CPAP: variants seen among roughly 807,000 people sequenced by gnomAD.
CPAP encodes centrosome assembly and centriole elongation protein, also known as centrosomal P4.1-associated protein.
chr13:24,891,083 G>C, the CPAP span, among the ~76,000 whole-genome samples: 90 of 151,834 alleles, frequency 5.9e-4, no homozygotes, highest in Non-Finnish European at 8.4e-4. Context: ...CAACACTCCA[G>C]AGAAACAGTC....
At chr13:24,929,062 G>T in the CPAP span, among the ~76,000 whole-genome samples, 1 of 152,116 alleles carries the variant, frequency 6.6e-6, no homozygotes, top group Non-Finnish European at 1.5e-5. Flanking sequence ...GCATTCTGTA[G>T]GTTTTTATTA....
the CPAP span, among the ~76,000 whole-genome samples, chr13:24,909,583 C>T: frequency 2.0e-5 from 3 of 151,614 alleles, no homozygotes; most frequent in Middle Eastern, 6.9e-3. Flanking sequence ...AAAGAGCTGG[C>T]AGGGTAGCAC....
chr13:24,920,277 T>C, the CPAP span, among the ~76,000 whole-genome samples: 1 of 152,240 alleles, frequency 6.6e-6, no homozygotes, highest in Admixed American at 6.5e-5. Flanking sequence ...GTTCAGTATG[T>C]ACAAATGCTA....
the CPAP span, among the ~76,000 whole-genome samples, chr13:24,902,488 AT>A: frequency 6.6e-6 from 1 of 152,220 alleles, no homozygotes; most frequent in Non-Finnish European, 1.5e-5. Context: ...AATTTTCAGA[AT>A]TTGATTTTTA....
chr13:24,923,486 T>G, the CPAP span, among the ~76,000 whole-genome samples: 6,491 of 152,268 alleles, frequency 0.043, 239 homozygotes, highest in African/African-American at 0.1. Flanking sequence ...ATTCTGAAAC[T>G]AGTTTGAATA....
the CPAP span, among the ~76,000 whole-genome samples, chr13:24,914,965 C>T: frequency 6.6e-6 from 1 of 151,986 alleles, no homozygotes; most frequent in Non-Finnish European, 1.5e-5. Context: ...ATCCCAGCTA[C>T]TCAGGAGGCT....
chr13:24,932,611 G>A, the CPAP span, among the ~76,000 whole-genome samples: 1 of 152,160 alleles, frequency 6.6e-6, no homozygotes, highest in East Asian at 1.9e-4. Flanking sequence ...CCCACATAAT[G>A]AGTCTTTTTG....
the CPAP span, chr13:24,906,464 C>CT: frequency 1.2e-6 from 2 of 1,614,216 alleles, no homozygotes; most frequent in Non-Finnish European, 1.7e-6. Context: ...AAGAGGAAGT[C>CT]TGTCTTTACC....
At chr13:24,933,072 G>A in the CPAP span, 1 of 1,591,854 alleles carries the variant, frequency 6.3e-7, no homozygotes, top group South Asian at 1.1e-5. Context: ...GGCAGCAGAA[G>A]AAAAAGCTAC....
chr13:24,905,934 T>C, the CPAP span: 5 of 1,614,078 alleles, frequency 3.1e-6, no homozygotes, highest in South Asian at 1.1e-5. Flanking sequence ...TCAGTGCTAC[T>C]GTCACTATTT....
the CPAP span, among the ~76,000 whole-genome samples, chr13:24,930,968 A>G: frequency 8.5e-5 from 13 of 152,220 alleles, no homozygotes; most frequent in African/African-American, 3.1e-4. Flanking sequence ...CACCCTTGCC[A>G]GCATATGTTG....
At chr13:24,906,645 T>G in the CPAP span, 1 of 1,614,232 alleles carries the variant, frequency 6.2e-7, no homozygotes. Context: ...AGACTTTTCC[T>G]GTTACTACAC....
the CPAP span, among the ~76,000 whole-genome samples, chr13:24,903,581 A>G: frequency 5.9e-5 from 9 of 152,282 alleles, no homozygotes; most frequent in African/African-American, 2.2e-4. Context: ...AAGAAAATAC[A>G]TTTCTATTGT....
At chr13:24,903,371 C>A in the CPAP span, among the ~76,000 whole-genome samples, 2 of 152,170 alleles carry the variant, frequency 1.3e-5, no homozygotes. Flanking sequence ...GGCACCAAGA[C>A]AAACACACAC....
At chr13:24,885,518 C>T in the CPAP span, 716 of 1,219,278 alleles carry the variant, frequency 5.9e-4, 4 homozygotes, top group African/African-American at 4.1e-3. Context: ...CTTTTTTACA[C>T]GTGGTTTAGA....
At chr13:24,907,573 T>C in the CPAP span, among the ~76,000 whole-genome samples, 1 of 124,416 alleles carries the variant, frequency 8.0e-6, no homozygotes, top group African/African-American at 2.6e-5. Flanking sequence ...ATTTTGTCCA[T>C]ATTATATTAA....
chr13:24,898,453 C>T, the CPAP span, among the ~76,000 whole-genome samples: 1 of 151,976 alleles, frequency 6.6e-6, no homozygotes, highest in Non-Finnish European at 1.5e-5. Flanking sequence ...GAATAGGTGG[C>T]CGGAGCAAGG....
chr13:24,916,297 T>C, the CPAP span, among the ~76,000 whole-genome samples: 20 of 152,204 alleles, frequency 1.3e-4, no homozygotes, highest in African/African-American at 4.6e-4. Flanking sequence ...ACTTTATCAA[T>C]ATAATACAGC....
chr13:24,915,933 G>A, the CPAP span, among the ~76,000 whole-genome samples: 1 of 152,166 alleles, frequency 6.6e-6, no homozygotes. Flanking sequence ...AGGGTAAGGA[G>A]AACTGAGAAC....
Sources: gnomAD v4.1 joint callset for allele counts (sites outside exome capture counted in the v4.1 genomes callset) on GRCh38, gnomAD v4.1.1 for gene constraint, MANE v1.5 for transcripts, NCBI Gene and HGNC (gene_info 2026-07-23, HGNC 2026-07-21) for gene names.